The following PDE4D variants were observed in gnomAD, a reference collection of about 807,000 sequenced individuals.
PDE4D encodes the protein 3',5'-cyclic-AMP phosphodiesterase 4D.
In PDE4D, 24 loss-of-function variants were observed where a neutral mutation model predicts 87.4. That is an observed-to-expected ratio of 0.27 (90% confidence interval 0.20 to 0.39). The LOEUF is 0.39. PDE4D is among the 10% of genes least tolerant of loss of function. The pLI is 1.00. For synonymous variants in PDE4D, 384 were observed against 383.2 expected (o/e 1.00, Z -0.02); for missense variants, 714 against 1,041.0 (o/e 0.69, Z 4.32).
At chr5:59,942,371 T>C (rs1187054433) in intron 3 of PDE4D, among the ~76,000 whole-genome samples, 3 of 152,204 alleles carry the variant, frequency 2.0e-5, no homozygotes, top group African/African-American at 2.4e-5. Context: ...AAGAGAGTGC[T>C]AGCAAATGTG....
intron 5 of PDE4D, among the ~76,000 whole-genome samples, chr5:59,064,955 T>C (rs1763657023): frequency 6.6e-6 from 1 of 151,954 alleles, no homozygotes; most frequent in African/African-American, 2.4e-5. Flanking sequence ...AGAACTGAAA[T>C]CTGGATCTTA....
intron 3 of PDE4D, among the ~76,000 whole-genome samples, chr5:59,908,064 TA>T (rs1753026069): frequency 6.6e-6 from 1 of 152,098 alleles, no homozygotes; most frequent in Non-Finnish European, 1.5e-5. Context: ...GACCTATACA[TA>T]ACGTTTTAAC....
chr5:59,821,904 CT>C (rs1189689877), intron 1 of PDE4D, among the ~76,000 whole-genome samples: 2 of 152,188 alleles, frequency 1.3e-5, no homozygotes, highest in African/African-American at 4.8e-5. Context: ...CTGATTTTAC[CT>C]TTTTTTGGTG....
At chr5:59,993,492 T>C (rs1763214744) in intron 2 of PDE4D, among the ~76,000 whole-genome samples, 1 of 152,178 alleles carries the variant, frequency 6.6e-6, no homozygotes, top group South Asian at 2.1e-4. Context: ...AATGACACAA[T>C]GTTGAGTGGG....
intron 2 of PDE4D, among the ~76,000 whole-genome samples, chr5:60,023,221 T>C (rs926050196): frequency 6.6e-6 from 1 of 152,220 alleles, no homozygotes; most frequent in Non-Finnish European, 1.5e-5. Flanking sequence ...CCACGGTGCA[T>C]AATAAGCAGT....
intron 1 of PDE4D, among the ~76,000 whole-genome samples, chr5:60,445,251 G>A (rs963159883): frequency 1.3e-5 from 2 of 152,142 alleles, no homozygotes; most frequent in African/African-American, 4.8e-5. Context: ...GCTATCAGAT[G>A]TTTAACTGCA....
intron 1 of PDE4D, among the ~76,000 whole-genome samples, chr5:59,422,259 A>G (rs1490420068): frequency 2.6e-5 from 4 of 152,110 alleles, no homozygotes; most frequent in Admixed American, 6.6e-5. Flanking sequence ...TTCCTTAGAC[A>G]CCTGTAACAT....
intron 5 of PDE4D, among the ~76,000 whole-genome samples, chr5:59,116,352 C>G (rs545792903): frequency 6.6e-6 from 1 of 152,028 alleles, no homozygotes; most frequent in Non-Finnish European, 1.5e-5. Context: ...ATGATACAAA[C>G]GAATTTTTTT....
chr5:59,573,997 CAAA>C (rs11437091), intron 1 of PDE4D, among the ~76,000 whole-genome samples: 1 of 87,020 alleles, frequency 1.1e-5, no homozygotes, highest in African/African-American at 5.8e-5. Flanking sequence ...GACTCTGTCT[CAAA>C]AAAAAATATA....
intron 1 of PDE4D, chr5:59,587,538 C>G: frequency 4.1e-6 from 4 of 985,422 alleles, no homozygotes; most frequent in Non-Finnish European, 3.6e-6. Flanking sequence ...GGAATCCTCG[C>G]AGCCGCCTTG....
chr5:59,461,930 G>A (rs1800842530), intron 1 of PDE4D, among the ~76,000 whole-genome samples: 1 of 152,096 alleles, frequency 6.6e-6, no homozygotes, highest in African/African-American at 2.4e-5. Flanking sequence ...TAGATTTAAT[G>A]TTTAAAATTT....
chr5:60,407,719 C>T (rs1308802929), intron 1 of PDE4D, among the ~76,000 whole-genome samples: 6 of 152,020 alleles, frequency 3.9e-5, no homozygotes, highest in African/African-American at 1.4e-4. Context: ...TCCCAAAGTG[C>T]TGAGATTACA....
intron 1 of PDE4D, among the ~76,000 whole-genome samples, chr5:59,319,261 AT>A (rs1218100994): frequency 2.0e-5 from 3 of 152,082 alleles, no homozygotes; most frequent in Admixed American, 6.6e-5. Flanking sequence ...AATAAACAAA[AT>A]AAAATAGTTT....
chr5:59,282,594 G>A (rs1766037492), intron 1 of PDE4D, among the ~76,000 whole-genome samples: 1 of 125,744 alleles, frequency 8.0e-6, no homozygotes, highest in African/African-American at 3.1e-5. Flanking sequence ...AGTGAGCCGA[G>A]ATCGTGTCAT....
chr5:59,470,400 A>G (rs1802265943), intron 1 of PDE4D, among the ~76,000 whole-genome samples: 2 of 152,202 alleles, frequency 1.3e-5, no homozygotes, highest in Admixed American at 1.3e-4. Context: ...ATAAGATAAC[A>G]TTCTGTACTC....
At chr5:59,156,351 GT>G (rs1780217333) in intron 5 of PDE4D, among the ~76,000 whole-genome samples, 1 of 141,500 alleles carries the variant, frequency 7.1e-6, no homozygotes, top group Non-Finnish European at 1.5e-5. Context: ...GTGTGTGTGT[GT>G]GTGTGTGTGT....
intron 1 of PDE4D, among the ~76,000 whole-genome samples, chr5:59,256,569 A>G (rs1761006675): frequency 6.6e-6 from 1 of 152,160 alleles, no homozygotes; most frequent in African/African-American, 2.4e-5. Context: ...ATTGGAAAGC[A>G]TCAGGACAGC....
intron 1 of PDE4D, among the ~76,000 whole-genome samples, chr5:60,382,303 T>C (rs1197521220): frequency 2.0e-5 from 3 of 152,186 alleles, no homozygotes; most frequent in Non-Finnish European, 4.4e-5. Flanking sequence ...TCTATTTCTA[T>C]ATGTTTATTT....
chr5:59,181,293 C>A (rs1368196607), intron 4 of PDE4D, among the ~76,000 whole-genome samples: 1 of 150,700 alleles, frequency 6.6e-6, no homozygotes, highest in African/African-American at 2.4e-5. Context: ...CCAAGTTCCA[C>A]AAAATGACTA....
Sources: gnomAD v4.1 joint callset for allele counts (sites outside exome capture counted in the v4.1 genomes callset) on GRCh38, gnomAD v4.1.1 for gene constraint, MANE v1.5 for transcripts, NCBI Gene and HGNC (gene_info 2026-07-23, HGNC 2026-07-21) for gene names.